Variants in PAK1IP1 observed in about 807,000 individuals in gnomAD.
The protein encoded by PAK1IP1 is PAK1 interacting protein 1.
In PAK1IP1, 24 loss-of-function variants were observed where a neutral mutation model predicts 42.0. The ratio of observed to expected loss-of-function variants is 0.57; its 90% CI spans 0.41 to 0.80. The LOEUF is 0.80. PAK1IP1 is among the 30% of genes least tolerant of loss of function. The pLI is 0.00. For missense variants in PAK1IP1, 411 were observed against 467.9 expected (o/e 0.88, Z 1.12); for synonymous variants, 154 against 156.7 (o/e 0.98, Z 0.13).
chr6:10,698,042 A>G (rs73436180), intron 2 of PAK1IP1, among the ~76,000 whole-genome samples: 12,327 of 152,260 alleles, frequency 0.081, 1,493 homozygotes, highest in African/African-American at 0.26. Context: ...AATGTCAGTT[A>G]TTGGGCAGGT....
intron 1 of PAK1IP1, among the ~76,000 whole-genome samples, chr6:10,695,601 A>G (rs1769797409): frequency 6.6e-6 from 1 of 152,188 alleles, no homozygotes; most frequent in South Asian, 2.1e-4. Flanking sequence ...AGGACTGAGG[A>G]GACGCATAGA....
chr6:10,704,636 C>G lies in PAK1IP1; in HGVS notation c.626C>G (p.Ser209Cys). 5 of 1,612,188 alleles carry G rather than the reference C, an allele frequency of 3.1e-6. No homozygotes were observed. The highest frequency in any genetic ancestry group is 4.2e-6 in the Non-Finnish European group (5 of 1,178,768). Residue 209 changes from serine to cysteine, a missense_variant, in exon 6 of 10, where the codon TCT becomes TGT. Ser to Cys is a moderately radical substitution (Grantham distance 112). Transcript: ENST00000379568. ...GTITNEKRIS[S>C]VKFLSESVLA... is the part of the protein sequence containing the mutation. ...ATCACAAATGAAAAGAGAATTTCCTCTGTTAAATTTCTTTCAGTAAGTAAT... is the reference window on the plus strand; with the variant it reads ...ATCACAAATGAAAAGAGAATTTCCTGTGTTAAATTTCTTTCAGTAAGTAAT...
intron 8 of PAK1IP1, among the ~76,000 whole-genome samples, chr6:10,708,183 C>T (rs1174312592): frequency 7.1e-6 from 1 of 141,650 alleles, no homozygotes; most frequent in Admixed American, 7.2e-5. Flanking sequence ...CAGTCACCCC[C>T]CATCCTCTCC....
rs1035406624 is a variant in PAK1IP1 at position 10,697,435 on chromosome 6, A to G, written c.196A>G (p.Ile66Val). Reference sequence around the variant, plus strand: ...TGGGAGCAAAGATGAAACAATTCACATTTATGACATGAAAAAGAAGATTGA... The same window carrying G: ...TGGGAGCAAAGATGAAACAATTCACGTTTATGACATGAAAAAGAAGATTGA... ...VTGSKDETIH[I>V]YDMKKKIEHG... Residue 66 changes from isoleucine to valine, a missense_variant, in exon 2 of 10, where the codon ATT becomes GTT. Transcript: ENST00000379568. The G allele has an allele frequency of 3.2e-5, 52 of 1,613,978 alleles. No homozygotes were observed. The African/African-American group carries it at 5.2e-4, about 16-fold the overall frequency.
At position 10,703,408 on chromosome 6, in the gene PAK1IP1, G is replaced by A. The variant is rs760790904; in HGVS notation, c.447G>A (p.Thr149=). The stretch of plus-strand genomic sequence containing the variant: ...AAGTGAGCTTCCTGTTTTGCAGAAC[G>A]TGGAATCTTGTAGAAGGAAGATCAG... ...LSVGTDKTLR[T]WNLVEGRSAF... Residue 149 remains threonine (T), a synonymous_variant, in exon 5 of 10, where the codon ACG becomes ACA. Transcript: ENST00000379568. 15 of 1,610,408 alleles carry A rather than the reference G, an allele frequency of 9.3e-6. No homozygotes were observed. Among genetic ancestry groups the A allele is most frequent in the East Asian group, 6.7e-5 (3 of 44,772 alleles).
At chr6:10,694,651 G>A (rs1265228958), upstream of PAK1IP1, 2 of 231,372 alleles carry the variant, frequency 8.6e-6, no homozygotes, top group Non-Finnish European at 1.7e-5. Flanking sequence ...GGAAATGAAG[G>A]GCTTCGCAGA....
At chr6:10,694,600 G>A (rs1027957407), upstream of PAK1IP1, 2 of 173,776 alleles carry the variant, frequency 1.2e-5, no homozygotes, top group Non-Finnish European at 2.5e-5. Context: ...CAGCCCCTAA[G>A]CAACCGGCCG....
chr6:10,704,669 C>T lies in PAK1IP1; in HGVS notation c.642+17C>T, dbSNP rs777505708. 2 of 1,610,660 alleles carry T rather than the reference C, an allele frequency of 1.2e-6. No individual in the cohort carries two copies. The highest frequency in any genetic ancestry group is 2.2e-5 in the South Asian group (2 of 90,866). ...TTTCTTTCAGTAAGTAATCAGAAAT[C>T]ATTGACCAAAGTTTGTGGTGATGGT... On this transcript the variant is annotated intron_variant, in intron 6 of 9. Coordinates refer to ENST00000379568, the MANE Select transcript of PAK1IP1 (RefSeq NM_017906.3).
intron 1 of PAK1IP1, among the ~76,000 whole-genome samples, chr6:10,695,921 G>A (rs1769817580): frequency 6.6e-6 from 1 of 151,874 alleles, no homozygotes; most frequent in African/African-American, 2.4e-5. Context: ...GTCTTTGGCT[G>A]AAAAGTGATG....
intron 7 of PAK1IP1, among the ~76,000 whole-genome samples, chr6:10,705,728 C>T (rs1770183343): frequency 6.6e-6 from 1 of 152,132 alleles, no homozygotes; most frequent in African/African-American, 2.4e-5. Flanking sequence ...CTGCTTTCTC[C>T]AGTAATTTTG....
rs1039022820 is a variant in PAK1IP1, at chr6:10,695,198, G to A, written c.84+129G>A. 8.0e-6 allele frequency: 5 copies of A among 628,626 alleles called. No homozygotes were observed. In the African/African-American group the frequency reaches 9.1e-5, roughly 11 times the overall value. The allele number at this position is 628,626 out of a possible 1,614,324, so 38.9% of individuals were successfully genotyped here. On this transcript the variant is annotated intron_variant, in intron 1 of 9. Transcript: ENST00000379568. ...ATGATTTGATGAATCAAACCTAAGAGACTTAAGAGAAAAGCTAACCTTTTA... is the reference window on the plus strand; with the variant it reads ...ATGATTTGATGAATCAAACCTAAGAAACTTAAGAGAAAAGCTAACCTTTTA...
intron 8 of PAK1IP1, among the ~76,000 whole-genome samples, 165 bp from the exon 9 acceptor site, chr6:10,708,788 C>T (rs1283719952): frequency 6.6e-6 from 1 of 151,730 alleles, no homozygotes; most frequent in East Asian, 1.9e-4. Context: ...AAAATTGGCT[C>T]TGTGAATAAC....
intron 7 of PAK1IP1, 107 bp from the exon 8 acceptor site, chr6:10,707,307 GA>G: frequency 1.4e-6 from 1 of 717,100 alleles, no homozygotes; most frequent in Non-Finnish European, 2.5e-6. Flanking sequence ...GAGCAGTTTG[GA>G]AATACTTGAA....
upstream of PAK1IP1, among the ~76,000 whole-genome samples, chr6:10,691,834 G>T (rs143755315): frequency 0.015 from 2,323 of 151,128 alleles, 45 homozygotes; most frequent in African/African-American, 0.05. Context: ...AAGTTTTGGG[G>T]TTTTTTTTTC....
chr6:10,703,448 A>T lies in PAK1IP1; in HGVS notation c.487A>T (p.Ile163Leu). Reference sequence around the variant, plus strand: ...AGGAAGATCAGCATTCATAAAAAATATAAAACAAAGTGAGTATTTTTGTTT... The same window carrying T: ...AGGAAGATCAGCATTCATAAAAAATTTAAAACAAAGTGAGTATTTTTGTTT... ...VEGRSAFIKN[I>L]KQNAHIVEWS... Residue 163 changes from isoleucine to leucine, a missense_variant, in exon 5 of 10, where the codon ATA (isoleucine) becomes TTA (leucine). Coordinates refer to ENST00000379568, the MANE Select transcript of PAK1IP1 (RefSeq NM_017906.3). 1 of 1,607,742 alleles carries T rather than the reference A, an allele frequency of 6.2e-7. No individual in the cohort carries two copies. Among genetic ancestry groups the T allele is most frequent in the Non-Finnish European group, 8.5e-7 (1 of 1,175,096 alleles).
chr6:10,697,338 G>A lies in PAK1IP1; in HGVS notation c.99G>A (p.Val33=), dbSNP rs1364348372. Residue 33 remains valine, a synonymous_variant, in exon 2 of 10, where the codon GTG becomes GTA. Coordinates refer to ENST00000379568, the MANE Select transcript of PAK1IP1 (RefSeq NM_017906.3). The part of the protein sequence containing the change: ...ACGDHEQWTL[V]ADFTHHAHTA... Reference sequence around the variant, plus strand: ...ATCTTCAGCAGCAATGGACTCTTGTGGCTGACTTCACTCACCATGCTCACA... The same window carrying A: ...ATCTTCAGCAGCAATGGACTCTTGTAGCTGACTTCACTCACCATGCTCACA... 1 of 1,613,718 alleles carries A rather than the reference G, an allele frequency of 6.2e-7. No homozygotes were observed. The highest frequency in any genetic ancestry group is 8.5e-7 in the Non-Finnish European group (1 of 1,179,768).
upstream of PAK1IP1, among the ~76,000 whole-genome samples, chr6:10,691,424 T>A (rs927571450): frequency 6.6e-6 from 1 of 152,090 alleles, no homozygotes; most frequent in Non-Finnish European, 1.5e-5. Context: ...GGGGGCTGCA[T>A]GCACCGGTAA....
chr6:10,708,526 GT>G (rs549641427), intron 8 of PAK1IP1, among the ~76,000 whole-genome samples: 42 of 149,424 alleles, frequency 2.8e-4, no homozygotes, highest in African/African-American at 9.6e-4. Context: ...GTGGATATAT[GT>G]TTTTTTTTCT....
At chr6:10,698,159 T>TACCC (rs1338609163) in intron 2 of PAK1IP1, among the ~76,000 whole-genome samples, 2 of 152,148 alleles carry the variant, frequency 1.3e-5, no homozygotes, top group Non-Finnish European at 2.9e-5. Context: ...GCATATTATG[T>TACCC]ACCCCTCTGT....
Sources: gnomAD v4.1 joint callset for allele counts (sites outside exome capture counted in the v4.1 genomes callset) on GRCh38, gnomAD v4.1.1 for gene constraint, MANE v1.5 for transcripts, NCBI Gene and HGNC (gene_info 2026-07-23, HGNC 2026-07-21) for gene names.